Variants in UBR2 observed in about 807,000 individuals in gnomAD.
UBR2 encodes E3 ubiquitin-protein ligase UBR2.
A neutral mutation model predicts 247.9 loss-of-function variants in UBR2; 92 were observed. The ratio of observed to expected loss-of-function variants is 0.37; its 90% CI spans 0.31 to 0.44. The LOEUF (loss-of-function observed/expected upper bound fraction) is 0.44. Among genes scored for constraint, UBR2 ranks in the 20% least tolerant of loss-of-function variants. The probability of loss-of-function intolerance (pLI) is 1.00; values close to 1 mark genes in which losing one functional copy is unlikely to be tolerated. For synonymous variants in UBR2, 672 were observed against 693.5 expected, an observed-to-expected ratio of 0.97 and a Z score of 0.49; for missense variants, 1,613 against 2,112.6, an observed-to-expected ratio of 0.76 and a Z score of 4.64.
intron 18 of UBR2, 85 bp from the exon 19 acceptor site, chr6:42,644,129 A>G (rs966284317): frequency 1.4e-6 from 2 of 1,418,340 alleles, no homozygotes; most frequent in African/African-American, 2.9e-5. Context: ...TGGGCAAGCC[A>G]AACTATCTCT....
intron 34 of UBR2, among the ~76,000 whole-genome samples, chr6:42,669,194 G>C (rs570736113): frequency 1.3e-5 from 2 of 152,242 alleles, no homozygotes; most frequent in African/African-American, 4.8e-5. Context: ...CAAAGTGCTA[G>C]GATTACATGC....
chr6:42,609,185 G>A (rs769962357), intron 7 of UBR2, among the ~76,000 whole-genome samples: 5 of 152,142 alleles, frequency 3.3e-5, no homozygotes, highest in African/African-American at 4.8e-5. Flanking sequence ...GTCTAGTAAC[G>A]TGTTAAAGCT....
At chr6:42,582,050 G>A (rs1054691549) in intron 2 of UBR2, among the ~76,000 whole-genome samples, 17 of 152,074 alleles carry the variant, frequency 1.1e-4, no homozygotes, top group Non-Finnish European at 1.6e-4. Flanking sequence ...TTGGGAGGCC[G>A]AGGTGGGTGG....
intron 8 of UBR2, among the ~76,000 whole-genome samples, chr6:42,614,399 C>CATAT (rs1249598983): frequency 1.4e-5 from 1 of 72,060 alleles, no homozygotes; most frequent in African/African-American, 5.0e-5. Context: ...TACGTACATA[C>CATAT]ATACGTATGT....
chr6:42,625,000 A>T (rs557922113), intron 11 of UBR2, among the ~76,000 whole-genome samples: 23 of 152,332 alleles, frequency 1.5e-4, no homozygotes, highest in African/African-American at 5.3e-4. Flanking sequence ...AGGTTAAACT[A>T]CAAATTAAAT....
chr6:42,570,598 TTATTTATAATAATATGTAATAAAGA>T (rs1791053292), intron 1 of UBR2, among the ~76,000 whole-genome samples: 1 of 152,204 alleles, frequency 6.6e-6, no homozygotes, highest in Non-Finnish European at 1.5e-5. Flanking sequence ...TTAAGTCTTG[TTATTTATAATAATATGTAATAAAGA>T]GTGAAATACT....
intron 32 of UBR2, 80 bp downstream of exon 32, chr6:42,663,499 CT>C: frequency 1.4e-6 from 2 of 1,433,366 alleles, no homozygotes; most frequent in Non-Finnish European, 1.9e-6. Flanking sequence ...AGGAGGAAAA[CT>C]TAGTCTAGGC....
intron 21 of UBR2, among the ~76,000 whole-genome samples, chr6:42,646,403 C>T (rs922537986): frequency 3.3e-5 from 5 of 152,188 alleles, no homozygotes; most frequent in Non-Finnish European, 7.3e-5. Flanking sequence ...AAACCCATCA[C>T]CAGCTTCAAC....
At chr6:42,606,102 G>A (rs994601161) in intron 6 of UBR2, among the ~76,000 whole-genome samples, 2 of 152,080 alleles carry the variant, frequency 1.3e-5, no homozygotes, top group Non-Finnish European at 2.9e-5. Context: ...AATTAGCCAG[G>A]TGTAGTGGCA....
At chr6:42,682,556 A>G (rs1799119827) in intron 42 of UBR2, among the ~76,000 whole-genome samples, 1 of 152,012 alleles carries the variant, frequency 6.6e-6, no homozygotes, top group Non-Finnish European at 1.5e-5. Context: ...AGTAGCTGCG[A>G]CTACAGGCAC....
chr6:42,612,363 G>A, intron 8 of UBR2, 72 bp downstream of exon 8: 1 of 1,354,436 alleles, frequency 7.4e-7, no homozygotes, highest in East Asian at 2.6e-5. Context: ...AACTGTTTTG[G>A]GAAAACTATC....
chr6:42,587,634 A>G (rs536238042), intron 2 of UBR2, among the ~76,000 whole-genome samples: 1 of 152,220 alleles, frequency 6.6e-6, no homozygotes, highest in Non-Finnish European at 1.5e-5. Flanking sequence ...CTGGGATTAC[A>G]GGCATGAACC....
At chr6:42,642,779 T>C (rs1796522839) in intron 18 of UBR2, among the ~76,000 whole-genome samples, 1 of 152,228 alleles carries the variant, frequency 6.6e-6, no homozygotes, top group African/African-American at 2.4e-5. Flanking sequence ...GCTAAAGTCA[T>C]ATACCTGAAA....
chr6:42,681,541 C>T (rs1799051840), intron 42 of UBR2, among the ~76,000 whole-genome samples: 1 of 151,962 alleles, frequency 6.6e-6, no homozygotes, highest in Non-Finnish European at 1.5e-5. Context: ...ATCACACTGA[C>T]ATACCACTTC....
intron 26 of UBR2, among the ~76,000 whole-genome samples, chr6:42,656,199 A>G (rs1797431487): frequency 6.6e-6 from 1 of 152,250 alleles, no homozygotes. Flanking sequence ...TGTTGTAGAC[A>G]TAATATTTCA....
At chr6:42,621,463 T>A (rs572450966) in intron 11 of UBR2, among the ~76,000 whole-genome samples, 77 of 151,886 alleles carry the variant, frequency 5.1e-4, no homozygotes, top group Admixed American at 3.5e-3. Flanking sequence ...ATTCTTTTTT[T>A]GTTTGTTTGT....
chr6:42,659,913 T>C lies in UBR2; in HGVS notation c.3442+58T>C, dbSNP rs1797706470. 2 of 1,538,542 alleles carry C rather than the reference T, an allele frequency of 1.3e-6. No homozygotes were observed. Among genetic ancestry groups the C allele is most frequent in the Non-Finnish European group, 1.8e-6 (2 of 1,117,280 alleles). ...TAATAACAACTGCCAGTTAATGTGG[T>C]TGGTGATACGTTGAGATTTTTTAAA... On this transcript the variant is annotated intron_variant, in intron 30 of 46. Transcript: ENST00000372901. The surrounding 1 kb of genome is among the most constrained non-coding windows in gnomAD (Gnocchi z 4.3).
At chr6:42,690,083 AAACATAAAG>A (rs1799666623) in intron 46 of UBR2, among the ~76,000 whole-genome samples, 1 of 152,258 alleles carries the variant, frequency 6.6e-6, no homozygotes, top group Admixed American at 6.5e-5. Flanking sequence ...CAAAGATTTA[AAACATAAAG>A]AACAATATAA....
intron 34 of UBR2, among the ~76,000 whole-genome samples, chr6:42,669,437 A>G (rs898336853): frequency 1.3e-5 from 2 of 151,968 alleles, no homozygotes; most frequent in Admixed American, 6.6e-5. Context: ...TTCTTCTTTG[A>G]GGTAGTTCTG....
Sources: gnomAD v4.1 joint callset for allele counts (sites outside exome capture counted in the v4.1 genomes callset) on GRCh38, gnomAD v4.1.1 for gene constraint, Gnocchi (gnomAD v3.1) non-coding constraint, MANE v1.5 for transcripts, NCBI Gene and HGNC (gene_info 2026-07-23, HGNC 2026-07-21) for gene names.